Variants in KCNH7 observed in about 807,000 individuals in gnomAD.
The protein encoded by KCNH7 is potassium voltage-gated channel subfamily H member 7.
In KCNH7, 49 loss-of-function variants were observed where a neutral mutation model predicts 120.8. The observed-to-expected ratio is 0.41, with a 90% CI of 0.32 to 0.51. The LOEUF is 0.51. KCNH7 is among the 20% of genes least tolerant of loss of function. KCNH7 has a pLI of 0.38. For missense variants in KCNH7, 1,097 were observed against 1,446.6 expected (o/e 0.76, Z 3.92); for synonymous variants, 547 against 516.1 (o/e 1.06, Z -0.81).
chr2:162,651,621 G>A (rs537923185), intron 2 of KCNH7, among the ~76,000 whole-genome samples: 70 of 152,168 alleles, frequency 4.6e-4, no homozygotes, highest in African/African-American at 1.6e-3. Context: ...AATTTGTGTC[G>A]ATTCCATGTC....
At chr2:162,589,233 C>A (rs142187252) in intron 2 of KCNH7, among the ~76,000 whole-genome samples, 4 of 152,146 alleles carry the variant, frequency 2.6e-5, no homozygotes, top group East Asian at 3.9e-4. Context: ...CCGTGTGAAT[C>A]GGGAGAGCGC....
chr2:162,753,031 A>AAGAAAAGAAAAGAAC (rs1559116574), intron 2 of KCNH7, among the ~76,000 whole-genome samples: 1 of 127,766 alleles, frequency 7.8e-6, no homozygotes, highest in African/African-American at 3.4e-5. Flanking sequence ...AAGAAAAGAA[A>AAGAAAAGAAAAGAAC]CCCTGACTAA....
At chr2:162,831,412 T>C (rs979276820) in intron 2 of KCNH7, among the ~76,000 whole-genome samples, 7 of 152,094 alleles carry the variant, frequency 4.6e-5, no homozygotes, top group Non-Finnish European at 8.8e-5. Context: ...TATCTCTCAA[T>C]GCTATTTGAG....
intron 2 of KCNH7, among the ~76,000 whole-genome samples, chr2:162,812,683 G>A (rs1314734727): frequency 6.6e-6 from 1 of 152,090 alleles, no homozygotes; most frequent in Non-Finnish European, 1.5e-5. Context: ...ACTTCACTAT[G>A]AGTGAAGAAA....
At chr2:162,444,654 TTGCTGTTGG>T (rs1156740204) in intron 7 of KCNH7, among the ~76,000 whole-genome samples, 3 of 152,208 alleles carry the variant, frequency 2.0e-5, no homozygotes, top group African/African-American at 7.2e-5. Context: ...TCACTAATGT[TTGCTGTTGG>T]TGCATATATT....
chr2:162,542,485 G>A (rs1692343793), intron 2 of KCNH7, among the ~76,000 whole-genome samples: 1 of 142,508 alleles, frequency 7.0e-6, no homozygotes, highest in South Asian at 2.2e-4. Flanking sequence ...CCATCTATGA[G>A]TGAGAACATG....
intron 6 of KCNH7, 133 bp downstream of exon 6, chr2:162,504,310 T>A: frequency 1.5e-6 from 1 of 659,244 alleles, no homozygotes. Flanking sequence ...ACCCAACATC[T>A]CAAGATAAAT....
intron 6 of KCNH7, among the ~76,000 whole-genome samples, chr2:162,503,556 A>G (rs111276193): frequency 6.6e-5 from 10 of 152,152 alleles, no homozygotes; most frequent in African/African-American, 2.4e-4. Context: ...TTCAGCTCAC[A>G]CATAAGAGGT....
intron 2 of KCNH7, among the ~76,000 whole-genome samples, chr2:162,595,604 G>T (rs997587760): frequency 6.6e-6 from 1 of 151,914 alleles, no homozygotes; most frequent in Non-Finnish European, 1.5e-5. Context: ...CAAGCCTACA[G>T]TTGACATCAT....
chr2:162,483,112 C>T (rs997332918), intron 6 of KCNH7, among the ~76,000 whole-genome samples: 1 of 152,074 alleles, frequency 6.6e-6, no homozygotes, highest in Non-Finnish European at 1.5e-5. Flanking sequence ...AAGTATATTC[C>T]TGATTTTAAC....
chr2:162,669,164 GA>G (rs1358502965), intron 2 of KCNH7, among the ~76,000 whole-genome samples: 1 of 152,100 alleles, frequency 6.6e-6, no homozygotes, highest in Non-Finnish European at 1.5e-5. Flanking sequence ...GGATTATTTA[GA>G]TTTTTTTAGA....
chr2:162,387,675 C>A (rs1438545951), intron 12 of KCNH7, among the ~76,000 whole-genome samples: 1 of 151,554 alleles, frequency 6.6e-6, no homozygotes, highest in African/African-American at 2.4e-5. Flanking sequence ...TTTAGGTGGA[C>A]AGTTCGTCTC....
At chr2:162,429,662 A>G (rs1303590905) in intron 8 of KCNH7, among the ~76,000 whole-genome samples, 1 of 150,702 alleles carries the variant, frequency 6.6e-6, no homozygotes, top group Non-Finnish European at 1.5e-5. Flanking sequence ...TAAGAAATCT[A>G]TCAACATTAT....
intron 2 of KCNH7, among the ~76,000 whole-genome samples, chr2:162,550,371 GGCTTCTTGTTGGGTTTCAA>G (rs1163818779): frequency 5.9e-5 from 9 of 152,102 alleles, no homozygotes; most frequent in African/African-American, 1.7e-4. Flanking sequence ...TTATTTTCCT[GGCTTCTTGTTGGGTTTCAA>G]GCAGTGGGGA....
At position 162,457,779 on chromosome 2, in the gene KCNH7, A is replaced by G. The variant is rs74400022; in HGVS notation, c.1129-11336T>C. ...TAACTAATAGGCTAGCTGTATTTTTATCTATCACAGAGAGCACGCAGTAAC... is the reference window on the plus strand; with the variant it reads ...TAACTAATAGGCTAGCTGTATTTTTGTCTATCACAGAGAGCACGCAGTAAC... On this transcript the variant is annotated intron_variant, in intron 6 of 15. Coordinates refer to ENST00000332142, the MANE Select transcript of KCNH7 (RefSeq NM_033272.4). 3.7e-3 allele frequency among the ~76,000 whole-genome samples: 565 copies of G among 152,252 alleles called. 5 individuals carry two copies. Among genetic ancestry groups the G allele is most frequent in the African/African-American group, 0.013 (545 of 41,574 alleles).
chr2:162,454,443 T>C (rs991090303), intron 6 of KCNH7, among the ~76,000 whole-genome samples: 15 of 152,226 alleles, frequency 9.9e-5, no homozygotes, highest in Non-Finnish European at 1.9e-4. Context: ...AGCTCTTTTT[T>C]GATTCCATAT....
intron 11 of KCNH7, 94 bp from the exon 12 acceptor site, chr2:162,394,579 A>T: frequency 1.4e-6 from 1 of 736,980 alleles, no homozygotes; most frequent in Non-Finnish European, 2.3e-6. Flanking sequence ...ATATTGTTTC[A>T]ACCATCTTGA....
At chr2:162,733,602 A>G (rs1687804334) in intron 2 of KCNH7, among the ~76,000 whole-genome samples, 1 of 152,216 alleles carries the variant, frequency 6.6e-6, no homozygotes, top group South Asian at 2.1e-4. Context: ...ATGAGCCAAA[A>G]GTGATTGTTA....
intron 9 of KCNH7, among the ~76,000 whole-genome samples, chr2:162,415,121 G>T (rs1162272986): frequency 3.3e-5 from 5 of 150,584 alleles, no homozygotes; most frequent in African/African-American, 9.8e-5. Flanking sequence ...TTTTCTAATT[G>T]CCCACTCTCC....
Sources: allele counts gnomAD v4.1 joint callset (sites outside exome capture counted in the v4.1 genomes callset), GRCh38; gene constraint gnomAD v4.1.1; transcripts MANE v1.5; gene names NCBI Gene and HGNC (gene_info 2026-07-23, HGNC 2026-07-21).